NUP98: variants seen among roughly 807,000 people sequenced by gnomAD.
The protein encoded by NUP98 is nucleoporin 98 and 96 precursor.
A neutral mutation model predicts 191.9 loss-of-function variants in NUP98; 26 were observed. That is an observed-to-expected ratio of 0.14 (90% confidence interval 0.10 to 0.19). The LOEUF is 0.19. NUP98 is among the 10% of genes least tolerant of loss of function. The pLI, the probability that NUP98 is intolerant of heterozygous loss-of-function variation, is 1.00. For synonymous variants in NUP98, 808 were observed against 778.4 expected (o/e 1.04, Z -0.63); for missense variants, 1,941 against 2,178.8 (o/e 0.89, Z 2.17).
At chr11:3,719,282 G>A in intron 18 of NUP98, 130 bp downstream of exon 18, 1 of 612,826 alleles carries the variant, frequency 1.6e-6, no homozygotes, top group South Asian at 2.9e-5. Context: ...TTAAATCAAA[G>A]TAGAGACAAT....
In NUP98 at chr11:3,719,537, G is replaced by A; in HGVS notation, c.2274C>T (p.Ile758=). 6.3e-7 allele frequency: 1 copy of A among 1,582,704 alleles called. No individual in the cohort carries two copies. The highest frequency in any genetic ancestry group is 8.6e-7 in the Non-Finnish European group (1 of 1,167,846). The change falls in exon 18 of 33, where the codon ATC becomes ATT. Residue 758 remains isoleucine (I), a synonymous_variant. Coordinates refer to ENST00000324932, the MANE Select transcript of NUP98 (RefSeq NM_016320.5). ...TCAAATTCACATCTCCTTCAAAATA[G>A]ATTGAACCATAACCTATAAATCAGA... ...FTIGRKGYGS[I]YFEGDVNLTN... is the part of the protein sequence containing the mutation.
rs1009919675 is a variant in NUP98 at position 3,719,641 on chromosome 11, A to T, written c.2261-91T>A. 24 of 912,934 alleles carry T rather than the reference A, an allele frequency of 2.6e-5. 1 individual carries two copies. In the Admixed American group the frequency reaches 8.8e-4, roughly 34 times the overall value. 56.6% of individuals were successfully genotyped at this position (912,934 alleles called of 1,614,324 possible). A position where few individuals can be genotyped will look rare whatever the true frequency, so the allele number is the denominator to read the frequency against. The stretch of plus-strand genomic sequence containing the variant: ...TAGTGATTAAACAATCACAAGGAGA[A>T]AGCAGTTTTAAGTATTAGTATTTTA... On this transcript the variant is annotated intron_variant, in intron 17 of 32. Coordinates refer to ENST00000324932, the MANE Select transcript of NUP98 (RefSeq NM_016320.5).
intron 30 of NUP98, 25 bp downstream of exon 30, chr11:3,683,175 A>G (rs2078028232): frequency 6.2e-7 from 1 of 1,613,092 alleles, no homozygotes. Context: ...GGGTGATTCC[A>G]GGAGATGTGG....
chr11:3,686,657 T>C (rs1009787873), intron 28 of NUP98, among the ~76,000 whole-genome samples: 6 of 152,194 alleles, frequency 3.9e-5, no homozygotes, highest in African/African-American at 1.4e-4. Flanking sequence ...CTTTAACATA[T>C]GTAGACACCT....
In NUP98 at chr11:3,720,908, T is replaced by C. The variant is rs1003245376; in HGVS notation, c.2147-83A>G. The stretch of plus-strand genomic sequence containing the variant: ...TAAATCATCATATAAAGAGAAAATA[T>C]ATCAGAATGAAGAATTTTCCAAACT... On this transcript the variant is annotated intron_variant, in intron 16 of 32. Coordinates refer to ENST00000324932, the MANE Select transcript of NUP98 (RefSeq NM_016320.5). 19 of 640,572 alleles carry C rather than the reference T, an allele frequency of 3.0e-5. No individual in the cohort carries two copies. In the East Asian group the frequency reaches 3.1e-4, roughly 10 times the overall value. The allele number at this position is 640,572 out of a possible 1,614,324, so 39.7% of individuals were successfully genotyped here.
chr11:3,721,664 A>G (rs539066259), intron 16 of NUP98, among the ~76,000 whole-genome samples: 18 of 152,130 alleles, frequency 1.2e-4, no homozygotes, highest in Middle Eastern at 3.4e-3. Context: ...ACACCACTGC[A>G]CTCCAGCCTG....
chr11:3,689,713 T>G (rs2134047847), intron 28 of NUP98, among the ~76,000 whole-genome samples: 1 of 152,170 alleles, frequency 6.6e-6, no homozygotes, highest in Non-Finnish European at 1.5e-5. Flanking sequence ...CAATCATGTC[T>G]CACTGCAGGC....
intron 20 of NUP98, among the ~76,000 whole-genome samples, chr11:3,707,565 T>A (rs577097282): frequency 1.3e-5 from 2 of 150,602 alleles, no homozygotes; most frequent in Admixed American, 6.6e-5. Flanking sequence ...CTGGCCAACA[T>A]GGTGGTGAAA....
rs569163074 is a variant in NUP98, at chr11:3,779,411, G to A, written c.77-154C>T. On this transcript the variant is annotated intron_variant, in intron 2 of 32. Transcript: ENST00000324932. Reference sequence around the variant, plus strand: ...AATCCCAGCACTTTGGGAGGCCGAGGCGGGCGGATCACCTGAGGTCGGGAG... The same window carrying A: ...AATCCCAGCACTTTGGGAGGCCGAGACGGGCGGATCACCTGAGGTCGGGAG... Among the ~76,000 whole-genome samples the A allele has an allele frequency of 4.5e-3, 681 of 152,282 alleles. 3 individuals carry two copies. The highest frequency in any genetic ancestry group is 0.015 in the African/African-American group (636 of 41,554).
chr11:3,764,483 C>T (rs887493290), intron 8 of NUP98, among the ~76,000 whole-genome samples: 2 of 152,182 alleles, frequency 1.3e-5, no homozygotes, highest in Non-Finnish European at 1.5e-5. Flanking sequence ...TATCGTAACT[C>T]TGTTTAACAT....
chr11:3,773,463 A>G (rs911859278), intron 6 of NUP98, among the ~76,000 whole-genome samples, 169 bp downstream of exon 6: 13 of 152,180 alleles, frequency 8.5e-5, no homozygotes, highest in Non-Finnish European at 1.3e-4. Context: ...AAACAAGTAG[A>G]TATCTATAAA....
At position 3,706,625 on chromosome 11, in the gene NUP98, G is replaced by A. The variant is rs1476454768; in HGVS notation, c.2745C>T (p.Ser915=). 2 of 1,613,210 alleles carry A rather than the reference G, an allele frequency of 1.2e-6. No homozygotes were observed. Among genetic ancestry groups the A allele is most frequent in the Admixed American group, 3.3e-5 (2 of 59,972 alleles). Residue 915 remains serine (S), a splice_region_variant and synonymous_variant, in exon 21 of 33, where the codon AGC becomes AGT. Coordinates refer to ENST00000324932, the MANE Select transcript of NUP98 (RefSeq NM_016320.5). ...LNGKPAPPPQ[S]QSPEVEQLGR... ...CTAACTGCTCCACCTCTGGGCTCTG[G>A]CTCTGTAGACAGCAGAAAGATCAGG...
chr11:3,698,970 T>C (rs1467350985), intron 25 of NUP98, 112 bp downstream of exon 25: 2 of 1,227,850 alleles, frequency 1.6e-6, no homozygotes, highest in African/African-American at 3.0e-5. Context: ...AGTCCGCAAT[T>C]AATACTCATA....
intron 31 of NUP98, among the ~76,000 whole-genome samples, chr11:3,677,966 G>A (rs561189252): frequency 7.7e-5 from 10 of 130,664 alleles, no homozygotes; most frequent in African/African-American, 1.1e-4. Context: ...GTGAAACCCC[G>A]TCTCTACTAA....
chr11:3,706,810 G>C (rs527811509), intron 20 of NUP98, among the ~76,000 whole-genome samples, 183 bp from the exon 21 acceptor site: 1 of 152,290 alleles, frequency 6.6e-6, no homozygotes, highest in African/African-American at 2.4e-5. Flanking sequence ...AGATAAACCA[G>C]TACTTTGATC....
intron 28 of NUP98, among the ~76,000 whole-genome samples, chr11:3,688,681 G>A (rs1246469828): frequency 6.6e-6 from 1 of 150,410 alleles, no homozygotes; most frequent in Non-Finnish European, 1.5e-5. Flanking sequence ...TGTAACCCCA[G>A]CTACTCAGGA....
chr11:3,736,884 T>C (rs568875994), intron 12 of NUP98, among the ~76,000 whole-genome samples: 1 of 152,316 alleles, frequency 6.6e-6, no homozygotes, highest in East Asian at 1.9e-4. Context: ...ATTATTTACA[T>C]TTATTTAACA....
intron 18 of NUP98, among the ~76,000 whole-genome samples, chr11:3,717,043 A>T (rs1005769159): frequency 6.6e-6 from 1 of 152,156 alleles, no homozygotes; most frequent in Admixed American, 6.6e-5. Flanking sequence ...TCGCTTTGTC[A>T]CACAGGCTGG....
At position 3,723,380 on chromosome 11, in the gene NUP98, A is replaced by T. The variant is rs1272722612; in HGVS notation, c.1923T>A (p.Phe641Leu). ...TAGGTTTGGCAATAGGGTTAGTATA[A>T]AAATGTGAAACAAGGGAATCTTCAT... ...DGDEDSLVSHFYTNPIAKPIP... is the reference protein window; with the variant it reads ...DGDEDSLVSHLYTNPIAKPIP... Residue 641 changes from phenylalanine to leucine, a missense_variant, in exon 16 of 33, where the codon TTT becomes TTA. Physicochemically the swap from Phe to Leu is conservative, Grantham distance 22. Around this residue, in one of 6 missense-constraint regions of NUP98, gnomAD observed 453 missense variants for 438.2 expected, o/e 1.03. Transcript: ENST00000324932. The T allele has an allele frequency of 1.2e-6, 2 of 1,614,154 alleles. No individual in the cohort carries two copies. The highest frequency in any genetic ancestry group is 1.7e-6 in the Non-Finnish European group (2 of 1,180,024).
Sources: allele counts gnomAD v4.1 joint callset (sites outside exome capture counted in the v4.1 genomes callset), GRCh38; gene constraint gnomAD v4.1.1; regional missense constraint gnomAD v4.1.1; transcripts MANE v1.5; gene names NCBI Gene and HGNC (gene_info 2026-07-23, HGNC 2026-07-21).